UGGT2: variants seen among roughly 807,000 people sequenced by gnomAD.
UGGT2 encodes the protein UDP-glucose:glycoprotein glucosyltransferase 2.
UGGT2 carries 180 observed loss-of-function variants against 192.1 expected under a neutral mutation model. The observed-to-expected ratio is 0.94, with a 90% CI of 0.83 to 1.06. The LOEUF is 1.06. Among genes scored for constraint, UGGT2 ranks in the 50% least tolerant of loss-of-function variants. The pLI is 0.00. For synonymous variants in UGGT2, 580 were observed against 591.0 expected (o/e 0.98, Z 0.27); for missense variants, 1,849 against 1,795.7 (o/e 1.03, Z -0.54).
chr13:95,820,431 G>A (rs867328509), intron 38 of UGGT2, among the ~76,000 whole-genome samples: 1 of 152,054 alleles, frequency 6.6e-6, no homozygotes, highest in Non-Finnish European at 1.5e-5. Context: ...TTATGAAGTG[G>A]TGGTAACTTT....
At chr13:95,830,417 C>G (rs914927270) in intron 38 of UGGT2, among the ~76,000 whole-genome samples, 1 of 152,108 alleles carries the variant, frequency 6.6e-6, no homozygotes, top group Non-Finnish European at 1.5e-5. Context: ...CTACAATGAA[C>G]TTAAACAAAT....
chr13:96,026,656 CTT>C (rs1317725542), intron 2 of UGGT2, among the ~76,000 whole-genome samples: 3 of 140,440 alleles, frequency 2.1e-5, no homozygotes, highest in African/African-American at 5.2e-5. Flanking sequence ...CTCTTTCACT[CTT>C]CTTTTTTTTT....
chr13:95,960,126 AT>A (rs2050341644), intron 12 of UGGT2, among the ~76,000 whole-genome samples: 1 of 152,222 alleles, frequency 6.6e-6, no homozygotes, highest in Non-Finnish European at 1.5e-5. Context: ...AACAATGGAA[AT>A]TTTTAAAAAA....
chr13:95,903,110 T>C (rs2048160129), intron 20 of UGGT2, 50 bp from the exon 21 acceptor site: 2 of 1,528,622 alleles, frequency 1.3e-6, no homozygotes, highest in African/African-American at 2.8e-5. Context: ...CATATCATTT[T>C]ACAGGTGAAT....
At chr13:95,881,670 G>C (rs562409046) in intron 27 of UGGT2, among the ~76,000 whole-genome samples, 3 of 152,230 alleles carry the variant, frequency 2.0e-5, no homozygotes, top group African/African-American at 7.2e-5. Flanking sequence ...CACTTTAACA[G>C]AGCCACATCC....
intron 29 of UGGT2, among the ~76,000 whole-genome samples, chr13:95,874,668 C>G (rs145749698): frequency 6.6e-6 from 1 of 152,022 alleles, no homozygotes; most frequent in East Asian, 1.9e-4. Flanking sequence ...CTTTTCTCCC[C>G]TTCCTCCCCA....
rs780449949 is a variant in UGGT2, at chr13:95,925,686, C to T, written c.2289G>A (p.Lys763=). 2.6e-6 allele frequency: 4 copies of T among 1,552,506 alleles called. No homozygotes were observed. Among genetic ancestry groups the T allele is most frequent in the South Asian group, 2.5e-5 (2 of 78,770 alleles). The change falls in exon 20 of 39, where the codon AAG becomes AAA. Residue 763 remains lysine, a synonymous_variant. Transcript: ENST00000376747. ...SGRKLLFNAL[K]HMKTSVHSRL... The stretch of plus-strand genomic sequence containing the variant: ...AGAATATCTAGGTACTCACCATGTG[C>T]TTTAATGCATTAAAAAGAAGTTTTC...
intron 30 of UGGT2, among the ~76,000 whole-genome samples, chr13:95,864,520 G>A (rs563461415): frequency 6.6e-6 from 1 of 152,244 alleles, no homozygotes; most frequent in South Asian, 2.1e-4. Flanking sequence ...CCACTCCTAG[G>A]AGACTCTTGC....
chr13:95,882,049 C>A (rs2140184573), intron 27 of UGGT2, among the ~76,000 whole-genome samples: 1 of 152,142 alleles, frequency 6.6e-6, no homozygotes, highest in African/African-American at 2.4e-5. Context: ...GCTGGTATTA[C>A]AGGCACGTGT....
chr13:96,051,460 A>C (rs186539286), intron 1 of UGGT2, among the ~76,000 whole-genome samples: 1 of 152,278 alleles, frequency 6.6e-6, no homozygotes, highest in East Asian at 1.9e-4. Flanking sequence ...GTACCCTAGA[A>C]CTTAAAGTAT....
intron 1 of UGGT2, among the ~76,000 whole-genome samples, chr13:96,043,277 A>G (rs1350376956): frequency 6.6e-6 from 1 of 152,194 alleles, no homozygotes; most frequent in Non-Finnish European, 1.5e-5. Context: ...AATCTTCATA[A>G]ATGAAGGAAA....
chr13:95,978,871 T>C (rs1016730917), intron 10 of UGGT2, among the ~76,000 whole-genome samples: 1 of 152,224 alleles, frequency 6.6e-6, no homozygotes, highest in Non-Finnish European at 1.5e-5. Context: ...TGTTCTAATA[T>C]AGGTAATGTC....
At chr13:95,822,184 C>T (rs1213538226) in intron 38 of UGGT2, among the ~76,000 whole-genome samples, 1 of 152,064 alleles carries the variant, frequency 6.6e-6, no homozygotes. Flanking sequence ...TTGATTATTT[C>T]CACAGCATGT....
chr13:95,931,009 G>C (rs762620923), intron 17 of UGGT2, among the ~76,000 whole-genome samples: 4 of 152,242 alleles, frequency 2.6e-5, no homozygotes, highest in East Asian at 1.9e-4. Flanking sequence ...GGGTTGCCAC[G>C]GCTGGCTTGG....
rs1354096905 is a variant in UGGT2 at position 95,851,391 on chromosome 13, T to C, written c.4284+2152A>G. ...AGAAAGATATAAATTAAAACCATGA[T>C]TGGCTGCAAGACTGCCGCTAGAGAT... On this transcript the variant is annotated intron_variant, in intron 36 of 38. Coordinates refer to ENST00000376747, the MANE Select transcript of UGGT2 (RefSeq NM_020121.4). 2.6e-5 allele frequency among the ~76,000 whole-genome samples: 4 copies of C among 152,168 alleles called. No homozygotes were observed. In the East Asian group the frequency reaches 7.7e-4, roughly 29 times the overall value.
At position 95,970,967 on chromosome 13, in the gene UGGT2, C is replaced by T. The variant is rs532121990; in HGVS notation, c.1185-705G>A. Among the ~76,000 whole-genome samples, 9 of 152,260 alleles carry T rather than the reference C, an allele frequency of 5.9e-5. No homozygotes were observed. The South Asian group carries it at 1.7e-3, about 28-fold the overall frequency. On this transcript the variant is annotated intron_variant, in intron 11 of 38. Transcript: ENST00000376747. ...CATCAGTCCTACTTGCCTTTCTCCC[C>T]AGTCAAAGTCACATGTTCTTACTGT... is the stretch of plus-strand genomic sequence containing the variant.
At chr13:95,830,992 G>C (rs1186680244) in intron 38 of UGGT2, among the ~76,000 whole-genome samples, 1 of 152,122 alleles carries the variant, frequency 6.6e-6, no homozygotes, top group African/African-American at 2.4e-5. Context: ...CATGGATGAA[G>C]CTGGAAACCA....
intron 2 of UGGT2, among the ~76,000 whole-genome samples, chr13:96,028,149 C>T (rs1216532361): frequency 2.0e-5 from 3 of 152,184 alleles, no homozygotes; most frequent in Non-Finnish European, 4.4e-5. Flanking sequence ...AAATCCTACC[C>T]TTTATCCTAT....
rs538928696 is a variant in UGGT2 at position 95,943,358 on chromosome 13, T to C, written c.1678-3267A>G. On this transcript the variant is annotated intron_variant, in intron 15 of 38. Coordinates refer to ENST00000376747, the MANE Select transcript of UGGT2 (RefSeq NM_020121.4). ...GAGCTTTTCATTCATTTAGGTAAAC[T>C]TTCATGGCTATAATTCCAAATTTTC... 2.6e-5 allele frequency among the ~76,000 whole-genome samples: 4 copies of C among 152,148 alleles called. 1 individual carries two copies. The highest frequency in any genetic ancestry group is 9.6e-5 in the African/African-American group (4 of 41,564).
Sources: allele counts gnomAD v4.1 joint callset (sites outside exome capture counted in the v4.1 genomes callset), GRCh38; gene constraint gnomAD v4.1.1; transcripts MANE v1.5; gene names NCBI Gene and HGNC (gene_info 2026-07-23, HGNC 2026-07-21).